The following ANO4 variants were observed in gnomAD, a reference collection of about 807,000 sequenced individuals.
ANO4 encodes anoctamin 4.
ANO4 carries 69 observed loss-of-function variants against 141.9 expected under a neutral mutation model. That is an observed-to-expected ratio of 0.49 (90% confidence interval 0.40 to 0.59). ANO4 has a LOEUF of 0.59. Ranked by LOEUF, ANO4 falls within the 20% of genes least tolerant of loss-of-function variation. The probability of loss-of-function intolerance (pLI) is 0.00; values close to 1 mark genes in which losing one functional copy is unlikely to be tolerated. For missense variants in ANO4, 894 were observed against 1,162.2 expected (o/e 0.77, Z 3.36); for synonymous variants, 350 against 394.3 (o/e 0.89, Z 1.33).
At chr12:100,965,102 T>C (rs1389052904) in intron 5 of ANO4, among the ~76,000 whole-genome samples, 1 of 152,172 alleles carries the variant, frequency 6.6e-6, no homozygotes, top group African/African-American at 2.4e-5. Context: ...ATGGGATTCA[T>C]GGCTATCTGC....
At chr12:101,087,238 C>G (rs2049542485) in intron 17 of ANO4, among the ~76,000 whole-genome samples, 1 of 151,826 alleles carries the variant, frequency 6.6e-6, no homozygotes, top group Non-Finnish European at 1.5e-5. Flanking sequence ...GCATTCCTGG[C>G]TAGGTACAGG....
intron 1 of ANO4, among the ~76,000 whole-genome samples, chr12:100,804,734 G>A (rs192937839): frequency 6.6e-6 from 1 of 152,232 alleles, no homozygotes; most frequent in Non-Finnish European, 1.5e-5. Flanking sequence ...TTTATTGGCC[G>A]CATGTATGTC....
At chr12:100,788,794 A>C (rs1440831019) in intron 3 of ANO4, among the ~76,000 whole-genome samples, 1 of 152,128 alleles carries the variant, frequency 6.6e-6, no homozygotes, top group Non-Finnish European at 1.5e-5. Flanking sequence ...TGGAGCGTAC[A>C]TGATAGTGTA....
At chr12:101,059,646 A>G (rs1258159526) in intron 14 of ANO4, among the ~76,000 whole-genome samples, 3 of 152,072 alleles carry the variant, frequency 2.0e-5, no homozygotes, top group Admixed American at 2.0e-4. Context: ...CATTTCTTCT[A>G]GATTTTCTAG....
intron 14 of ANO4, among the ~76,000 whole-genome samples, chr12:101,073,306 G>A (rs2048895064): frequency 6.6e-6 from 1 of 152,062 alleles, no homozygotes; most frequent in East Asian, 1.9e-4. Flanking sequence ...ATCATTCTCA[G>A]CAAACTGTCA....
intron 26 of ANO4, among the ~76,000 whole-genome samples, chr12:101,122,380 G>T (rs1233221965): frequency 1.3e-5 from 2 of 152,168 alleles, no homozygotes; most frequent in Non-Finnish European, 2.9e-5. Context: ...CTGTGCAGAA[G>T]CTCTTTAATT....
chr12:100,908,767 T>G (rs2040961989), intron 2 of ANO4, among the ~76,000 whole-genome samples: 1 of 152,200 alleles, frequency 6.6e-6, no homozygotes, highest in South Asian at 2.1e-4. Context: ...TTTACAAAGT[T>G]AATAATCCCT....
intron 22 of ANO4, among the ~76,000 whole-genome samples, chr12:101,106,841 A>G (rs573545531): frequency 4.3e-4 from 66 of 151,802 alleles, no homozygotes; most frequent in Middle Eastern, 6.8e-3. Flanking sequence ...GTTTTTTCCC[A>G]AAGAATTTTT....
chr12:101,083,208 T>C (rs1006352508), intron 15 of ANO4, among the ~76,000 whole-genome samples: 2 of 152,196 alleles, frequency 1.3e-5, no homozygotes, highest in African/African-American at 4.8e-5. Flanking sequence ...AAAAAATTGC[T>C]GGAGAAAACT....
intron 9 of ANO4, among the ~76,000 whole-genome samples, chr12:101,027,786 A>G (rs1310244539): frequency 6.6e-6 from 1 of 152,112 alleles, no homozygotes; most frequent in African/African-American, 2.4e-5. Context: ...CCAGAATGCC[A>G]CCCAGCAAGG....
At chr12:100,908,605 T>A (rs1439903084) in intron 2 of ANO4, among the ~76,000 whole-genome samples, 1 of 152,186 alleles carries the variant, frequency 6.6e-6, no homozygotes, top group Non-Finnish European at 1.5e-5. Context: ...CTCTTTATTT[T>A]TAGTGTACTT....
At chr12:101,089,991 G>GA (rs2049688081) in intron 17 of ANO4, among the ~76,000 whole-genome samples, 1 of 152,158 alleles carries the variant, frequency 6.6e-6, no homozygotes, top group South Asian at 2.1e-4. Context: ...ACAGACACAT[G>GA]AAAAAATGCT....
intron 3 of ANO4, among the ~76,000 whole-genome samples, chr12:100,758,237 C>G (rs2032700646): frequency 6.6e-6 from 1 of 152,208 alleles, no homozygotes; most frequent in African/African-American, 2.4e-5. Flanking sequence ...TAGAGTAAGG[C>G]TGACATTGAA....
At chr12:100,966,527 T>C (rs1164137805) in intron 5 of ANO4, among the ~76,000 whole-genome samples, 1 of 152,122 alleles carries the variant, frequency 6.6e-6, no homozygotes, top group African/African-American at 2.4e-5. Context: ...CCTTTAAATA[T>C]CATGTTTATC....
chr12:101,006,512 C>T (rs887706096), intron 8 of ANO4, among the ~76,000 whole-genome samples: 1 of 152,286 alleles, frequency 6.6e-6, no homozygotes, highest in African/African-American at 2.4e-5. Context: ...TTTTGCAGAA[C>T]GTTCATTAGA....
intron 14 of ANO4, among the ~76,000 whole-genome samples, chr12:101,075,845 G>A (rs1461874069): frequency 2.6e-5 from 4 of 151,890 alleles, no homozygotes; most frequent in African/African-American, 9.7e-5. Context: ...AAGTGCAGGG[G>A]CTCCCAAGGC....
At chr12:100,756,068 T>G (rs964740176) in intron 3 of ANO4, among the ~76,000 whole-genome samples, 1 of 152,220 alleles carries the variant, frequency 6.6e-6, no homozygotes, top group African/African-American at 2.4e-5. Flanking sequence ...TTTTTTCAAG[T>G]GTCAGATACA....
chr12:100,736,937 G>T (rs2031642718), intron 2 of ANO4, among the ~76,000 whole-genome samples: 1 of 152,080 alleles, frequency 6.6e-6, no homozygotes, highest in South Asian at 2.1e-4. Flanking sequence ...TTTTGGACTC[G>T]CAGCCCCCAG....
rs117965246 is a variant in ANO4, at chr12:100,768,255, C to T, written c.358+28150C>T. The stretch of plus-strand genomic sequence containing the variant: ...TTGGGTGCCCACTTCCTTTTTCTTC[C>T]ACCATTCAGAGGGTATCTCCACACT... On this transcript the variant is annotated intron_variant, in intron 3 of 29. Transcript: ENST00000644049. Among the ~76,000 whole-genome samples, 831 of 152,270 alleles carry T rather than the reference C, an allele frequency of 5.5e-3. 7 individuals are homozygous for T. Among genetic ancestry groups the T allele is most frequent in the Non-Finnish European group, 8.8e-3 (596 of 68,004 alleles).
Sources: gnomAD v4.1 joint callset for allele counts (sites outside exome capture counted in the v4.1 genomes callset) on GRCh38, gnomAD v4.1.1 for gene constraint, MANE v1.5 for transcripts, NCBI Gene and HGNC (gene_info 2026-07-23, HGNC 2026-07-21) for gene names.